The following LAMP2 variants were observed in gnomAD, a reference collection of about 807,000 sequenced individuals.
The protein encoded by LAMP2 is lysosome-associated membrane glycoprotein 2.
LAMP2 carries 4 observed loss-of-function variants against 25.6 expected under a neutral mutation model. The observed-to-expected ratio is 0.16, with a 90% CI of 0.08 to 0.36. The LOEUF (loss-of-function observed/expected upper bound fraction) is 0.36. LAMP2 is among the 10% of genes least tolerant of loss of function. The probability of loss-of-function intolerance (pLI) is 1.00; values close to 1 mark genes in which losing one functional copy is unlikely to be tolerated. For synonymous variants in LAMP2, 108 were observed against 112.7 expected, an observed-to-expected ratio of 0.96 and a Z score of 0.27; for missense variants, 272 against 301.4, an observed-to-expected ratio of 0.90 and a Z score of 0.72.
chrX:120,458,003 C>T (rs1921168314), intron 1 of LAMP2, among the ~76,000 whole-genome samples: 2 of 112,065 alleles, frequency 1.8e-5, no homozygotes, highest in East Asian at 2.8e-4. Context: ...TATACTAAAG[C>T]TTGTGGTTAC....
At chrX:120,456,532 C>A in intron 2 of LAMP2, 119 bp downstream of exon 2, 3 of 409,007 alleles carry the variant, frequency 7.3e-6, no homozygotes, top group South Asian at 4.6e-5. Context: ...AAAAAAAATC[C>A]CAGAGTTTCA....
chrX:120,461,342 C>G (rs1462986030), intron 1 of LAMP2, among the ~76,000 whole-genome samples: 3 of 111,887 alleles, frequency 2.7e-5, no homozygotes, highest in Non-Finnish European at 5.6e-5. Context: ...TTTACATTAT[C>G]CTGAATTATT....
At position 120,456,754 on chromosome X, in the gene LAMP2, T is replaced by C. The variant is rs1449153826; in HGVS notation, c.80A>G (p.Tyr27Cys). 1.8e-6 allele frequency: 2 copies of C among 1,135,624 alleles called. No individual in the cohort carries two copies. Among genetic ancestry groups the C allele is most frequent in the Admixed American group, 2.2e-5 (1 of 45,470 alleles). The allele number at this position is 1,135,624 out of a possible 1,213,427, so 93.6% of individuals were successfully genotyped here. The change falls in exon 2 of 9, where the codon TAT becomes TGT. Residue 27 changes from tyrosine (Y) to cysteine (C), a missense_variant. Tyr to Cys is a radical substitution (Grantham distance 194). Transcript: ENST00000200639. ...ATCTGTCAAATTAAGTTCCAATGCA[T>C]AAGACCGCACAGCTCCTGGATTCAT... ...VCLVLGAVRS[Y>C]ALELNLTDSE...
At chrX:120,450,479 G>A (rs1602537120) in intron 3 of LAMP2, among the ~76,000 whole-genome samples, 1 of 112,293 alleles carries the variant, frequency 8.9e-6, no homozygotes, top group African/African-American at 3.2e-5. Context: ...GAATAGATAC[G>A]TGACTGGCTG....
In LAMP2 at chrX:120,449,006, G is replaced by T. The variant is rs104894857; in HGVS notation, c.520C>A (p.Gln174Lys). Residue 174 changes from glutamine (Q) to lysine (K), a missense_variant, in exon 4 of 9, where the codon CAA (glutamine) becomes AAA (lysine). Coordinates refer to ENST00000200639, the MANE Select transcript of LAMP2 (RefSeq NM_002294.3). ...VVQHYWDVLV[Q>K]AFVQNGTVST... is the part of the protein sequence containing the mutation. ...ACTGTGCCATTTTGGACAAAAGCTT[G>T]TACAAGAACATCCCAGTAGTGTTGG... 2 of 1,207,951 alleles carry T rather than the reference G, an allele frequency of 1.7e-6. No individual in the cohort carries two copies. Among genetic ancestry groups the T allele is most frequent in the African/African-American group, 3.5e-5 (2 of 57,216 alleles).
In LAMP2 at chrX:120,469,246, T is replaced by G; in HGVS notation, c.-77A>C. The stretch of plus-strand genomic sequence containing the variant: ...CTGCAACACCAGGGAAAAGGCTCGC[T>G]GGACCTGGGTCAAGAGCACTGATGA... On this transcript the variant is annotated 5_prime_UTR_variant, in exon 1 of 9. Transcript: ENST00000200639. 1 of 1,059,117 alleles carries G rather than the reference T, an allele frequency of 9.4e-7. No individual in the cohort carries two copies. Among genetic ancestry groups the G allele is most frequent in the Non-Finnish European group, 1.3e-6 (1 of 761,121 alleles). 87.3% of individuals were successfully genotyped at this position (1,059,117 alleles called of 1,213,427 possible).
chrX:120,457,169 G>A (rs780775520), intron 1 of LAMP2, among the ~76,000 whole-genome samples: 1 of 111,569 alleles, frequency 9.0e-6, no homozygotes. Flanking sequence ...CAGTTTGCCT[G>A]TTAGGACTTG....
At chrX:120,432,928 CA>C (rs60129285) in intron 8 of LAMP2, among the ~76,000 whole-genome samples, 26,251 of 73,468 alleles carry the variant, frequency 0.36, 3,398 homozygotes, top group Middle Eastern at 0.51. Flanking sequence ...GAACCCATCT[CA>C]AAAAAAAAAA....
intron 1 of LAMP2, among the ~76,000 whole-genome samples, chrX:120,463,256 T>G (rs1222413469): frequency 8.9e-6 from 1 of 112,085 alleles, no homozygotes. Context: ...GTAAGTTTCT[T>G]AAAGGAGAAA....
intron 8 of LAMP2, among the ~76,000 whole-genome samples, chrX:120,431,829 T>C (rs2058524556): frequency 8.9e-6 from 1 of 112,211 alleles, no homozygotes; most frequent in South Asian, 3.7e-4. Flanking sequence ...AGAAGCACAA[T>C]GCTTCAAATA....
chrX:120,428,561 C>A lies in LAMP2; in HGVS notation c.*2762G>T, dbSNP rs2058507878. ...ATAAAGACAACAATTATAAGGAAGC[C>A]CAAGGCCACACCCACTGCAACAGGA... is the stretch of plus-strand genomic sequence containing the variant. On this transcript the variant is annotated 3_prime_UTR_variant, in exon 9 of 9. Transcript: ENST00000200639. 2 of 1,198,852 alleles carry A rather than the reference C, an allele frequency of 1.7e-6. No individual in the cohort carries two copies. The highest frequency in any genetic ancestry group is 3.5e-5 in the African/African-American group (2 of 57,022).
intron 8 of LAMP2, among the ~76,000 whole-genome samples, chrX:120,431,954 G>A (rs2058524956): frequency 8.9e-6 from 1 of 111,959 alleles, no homozygotes; most frequent in Non-Finnish European, 1.9e-5. Context: ...AGAGATATAA[G>A]TGGGCCCTGA....
rs878854484 is a variant in LAMP2 at position 120,469,147 on chromosome X, G to A, written c.23C>T (p.Pro8Leu). The A allele has an allele frequency of 4.1e-6, 5 of 1,210,972 alleles. No individual in the cohort carries two copies. The highest frequency in any genetic ancestry group is 1.7e-5 in the African/African-American group (1 of 57,496). MVCFRLF[P>L]VPGSGLVLVC... Reference sequence around the variant, plus strand: ...CAGAACGAGCCCTGAGCCCGGAACCGGGAAGAGGCGGAAGCACACCATGAC... The same window carrying A: ...CAGAACGAGCCCTGAGCCCGGAACCAGGAAGAGGCGGAAGCACACCATGAC... Residue 8 changes from proline (P) to leucine (L), a missense_variant, in exon 1 of 9, where the codon CCG (proline) becomes CTG (leucine). Physicochemically the swap from Pro to Leu is moderately conservative, Grantham distance 98. Coordinates refer to ENST00000200639, the MANE Select transcript of LAMP2 (RefSeq NM_002294.3).
chrX:120,432,614 G>T (rs1318604551), intron 8 of LAMP2, among the ~76,000 whole-genome samples: 1 of 111,341 alleles, frequency 9.0e-6, no homozygotes, highest in African/African-American at 3.3e-5. Context: ...GGATGTAGGG[G>T]GTGTACGAGG....
chrX:120,468,989 T>C, intron 1 of LAMP2, 117 bp downstream of exon 1: 1 of 831,727 alleles, frequency 1.2e-6, no homozygotes, highest in Non-Finnish European at 1.8e-6. Context: ...CGCCGCCCAG[T>C]GTTAGCTGCT....
rs1287381815 is a variant in LAMP2, at chrX:120,441,900, A to G, written c.929-6T>C. Reference sequence around the variant, plus strand: ...GTTATTTGCAATGCTGAAAACTTCAAAGAAAAGAAACAGGTTAGTAACTTC... The same window carrying G: ...GTTATTTGCAATGCTGAAAACTTCAGAGAAAAGAAACAGGTTAGTAACTTC... On this transcript the variant is annotated splice_polypyrimidine_tract_variant and splice_region_variant and intron_variant, in intron 7 of 8. Coordinates refer to ENST00000200639, the MANE Select transcript of LAMP2 (RefSeq NM_002294.3). 2 of 1,205,733 alleles carry G rather than the reference A, an allele frequency of 1.7e-6. No individual in the cohort carries two copies. The highest frequency in any genetic ancestry group is 1.1e-6 in the Non-Finnish European group (1 of 890,225).
intron 8 of LAMP2, among the ~76,000 whole-genome samples, chrX:120,433,271 ATGGGAAGTGAT>A (rs1237386628): frequency 9.0e-6 from 1 of 111,314 alleles, no homozygotes; most frequent in Non-Finnish European, 1.9e-5. Flanking sequence ...TTAAGAGGGA[ATGGGAAGTGAT>A]TGGTTAGGAC....
Position 120,426,481 on chromosome X carries a change from C to T in LAMP2, c.*4842G>A, listed in dbSNP as rs2058499467. On this transcript the variant is annotated 3_prime_UTR_variant, in exon 9 of 9. Coordinates refer to ENST00000200639, the MANE Select transcript of LAMP2 (RefSeq NM_002294.3). ...TTATTGGAGTTGAAGCAGTTTTTAA[C>T]CCTCTGTTAATATTCTCTATTTTAA... Among the ~76,000 whole-genome samples, 1 of 110,168 alleles carries T rather than the reference C, an allele frequency of 9.1e-6. No individual in the cohort carries two copies. Among genetic ancestry groups the T allele is most frequent in the Non-Finnish European group, 1.9e-5 (1 of 52,744 alleles).
intron 3 of LAMP2, among the ~76,000 whole-genome samples, chrX:120,453,937 G>A (rs1243677933): frequency 8.9e-6 from 1 of 112,577 alleles, no homozygotes; most frequent in Non-Finnish European, 1.9e-5. Flanking sequence ...ACCTGAAATT[G>A]TCTTAAAATA....
Sources: allele counts gnomAD v4.1 joint callset (sites outside exome capture counted in the v4.1 genomes callset), GRCh38; gene constraint gnomAD v4.1.1; transcripts MANE v1.5; gene names NCBI Gene and HGNC (gene_info 2026-07-23, HGNC 2026-07-21).